FOLR2: variants seen among roughly 807,000 people sequenced by gnomAD.
FOLR2 encodes the protein folate receptor beta, also known as folate receptor 2 (fetal).
In FOLR2, 14 loss-of-function variants were observed where a neutral mutation model predicts 20.4. The ratio of observed to expected loss-of-function variants is 0.68; its 90% CI spans 0.45 to 1.07. FOLR2 has a LOEUF of 1.07. FOLR2 is among the 50% of genes least tolerant of loss of function. The pLI, the probability that FOLR2 is intolerant of heterozygous loss-of-function variation, is 0.00. For missense variants in FOLR2, 269 were observed against 322.6 expected (o/e 0.83, Z 1.27); for synonymous variants, 114 against 114.3 (o/e 1.00, Z 0.02).
rs1440362837 is a variant in FOLR2 at position 72,221,067 on chromosome 11, T to TCGGGGGGGGGCCCCCCCCCC, written c.339+10_339+11insGGGGGGGGGCCCCCCCCCCC. ...GGCCCTGGATCCAGCAGGTAGGGTG[T>TCGGGGGGGGGCCCCCCCCCC]CTCCCCCCCACCCACCCCAGCAGAC... On this transcript the variant is annotated intron_variant, in intron 3 of 4. Transcript: ENST00000298223. 30 of 1,569,600 alleles carry TCGGGGGGGGGCCCCCCCCCC rather than the reference T, an allele frequency of 1.9e-5. No homozygotes were observed. The highest frequency in any genetic ancestry group is 2.4e-5 in the Non-Finnish European group (28 of 1,154,470).
At position 72,220,783 on chromosome 11, in the gene FOLR2, G is replaced by A. The variant is rs916971472; in HGVS notation, c.151-87G>A. 8 of 1,545,008 alleles carry A rather than the reference G, an allele frequency of 5.2e-6. No individual in the cohort carries two copies. In the Admixed American group the frequency reaches 1.1e-4, roughly 21 times the overall value. ...TCAGGACAACCTGCCTAGGGCAGAG[G>A]AGTAAGAACCAAATGGGGGAGAGAC... On this transcript the variant is annotated intron_variant, in intron 2 of 4. Coordinates refer to ENST00000298223, the MANE Select transcript of FOLR2 (RefSeq NM_000803.5).
In FOLR2 at chr11:72,221,771, C is replaced by T. The variant is rs1276860428; in HGVS notation, c.*9C>T. The T allele has an allele frequency of 1.9e-6, 3 of 1,609,480 alleles. No individual in the cohort carries two copies. The East Asian group carries it at 6.7e-5, about 36-fold the overall frequency. ...TCTGGCTCCTTGGCTGAGTTCAGTCCTCCCAGACTACCTGCCCTCAGCTTG... is the reference window on the plus strand; with the variant it reads ...TCTGGCTCCTTGGCTGAGTTCAGTCTTCCCAGACTACCTGCCCTCAGCTTG... On this transcript the variant is annotated 3_prime_UTR_variant, in exon 5 of 5. Coordinates refer to ENST00000298223, the MANE Select transcript of FOLR2 (RefSeq NM_000803.5).
At position 72,221,067 on chromosome 11, in the gene FOLR2, T is replaced by TCGGGGGGGGGGGGCGCCCCCCCCC; in HGVS notation, c.339+10_339+11insGGGGGGGGGGGGCGCCCCCCCCCC. ...GGCCCTGGATCCAGCAGGTAGGGTG[T>TCGGGGGGGGGGGGCGCCCCCCCCC]CTCCCCCCCACCCACCCCAGCAGAC... On this transcript the variant is annotated intron_variant, in intron 3 of 4. Transcript: ENST00000298223. 1 of 1,570,108 alleles carries TCGGGGGGGGGGGGCGCCCCCCCCC rather than the reference T, an allele frequency of 6.4e-7. No individual in the cohort carries two copies. Among genetic ancestry groups the TCGGGGGGGGGGGGCGCCCCCCCCC allele is most frequent in the Non-Finnish European group, 8.7e-7 (1 of 1,154,904 alleles).
intron 1 of FOLR2, 63 bp downstream of exon 1, chr11:72,216,988 GA>G: frequency 6.7e-7 from 1 of 1,500,602 alleles, no homozygotes; most frequent in Middle Eastern, 1.7e-4. Context: ...AGTTTGTGCA[GA>G]GGGGAGGAAC....
chr11:72,219,082 TG>T (rs1397543590), intron 2 of FOLR2, among the ~76,000 whole-genome samples: 1 of 152,200 alleles, frequency 6.6e-6, no homozygotes, highest in African/African-American at 2.4e-5. Flanking sequence ...CAGAAGCACA[TG>T]GGCCCACACA....
In FOLR2 at chr11:72,218,576, C is replaced by T. The variant is rs201535985; in HGVS notation, c.-9C>T. ...CCTACCCTAGCTCCGCCTGCAGGGA[C>T]AGAAAGACATGGTCTGGAAATGGAT... On this transcript the variant is annotated 5_prime_UTR_variant, in exon 2 of 5. An upstream open reading frame in the 5' UTR gains an earlier in-frame stop. Coordinates refer to ENST00000298223, the MANE Select transcript of FOLR2 (RefSeq NM_000803.5). 26 of 1,612,386 alleles carry T rather than the reference C, an allele frequency of 1.6e-5. No individual in the cohort carries two copies. The highest frequency in any genetic ancestry group is 1.7e-4 in the Middle Eastern group (1 of 6,058).
Position 72,220,864 on chromosome 11 carries a change from A to G in FOLR2, c.151-6A>G. The G allele has an allele frequency of 6.2e-7, 1 of 1,613,834 alleles. No individual in the cohort carries two copies. The highest frequency in any genetic ancestry group is 8.5e-7 in the Non-Finnish European group (1 of 1,179,858). ...AGGCACTTAGTCCTGTGTCTTCCCCACCCAGTGCAGTCCCTGGAAGAAGAA... is the reference window on the plus strand; with the variant it reads ...AGGCACTTAGTCCTGTGTCTTCCCCGCCCAGTGCAGTCCCTGGAAGAAGAA... On this transcript the variant is annotated splice_polypyrimidine_tract_variant and splice_region_variant and intron_variant, in intron 2 of 4. Coordinates refer to ENST00000298223, the MANE Select transcript of FOLR2 (RefSeq NM_000803.5).
rs763199091 is a variant in FOLR2 at position 72,216,909 on chromosome 11, C to A, written c.-41C>A. On this transcript the variant is annotated 5_prime_UTR_variant, in exon 1 of 5. Transcript: ENST00000298223. ...CAGACACAGCCGTGTATGCTCCCAG[C>A]AGCAACGGAGGTTCAGGCAAGATGC... The A allele has an allele frequency of 6.3e-7, 1 of 1,599,524 alleles. No individual in the cohort carries two copies. Among genetic ancestry groups the A allele is most frequent in the Non-Finnish European group, 8.5e-7 (1 of 1,179,784 alleles).
At position 72,221,653 on chromosome 11, in the gene FOLR2, C is replaced by T. The variant is rs140546240; in HGVS notation, c.659C>T (p.Ala220Val). The T allele has an allele frequency of 1.0e-4, 169 of 1,614,196 alleles. 1 individual carries two copies. The highest frequency in any genetic ancestry group is 5.0e-4 in the Middle Eastern group (3 of 6,060). ...SAQGNPNEEV[A>V]RFYAAAMHVN... ...CAGGGCAACCCCAACGAGGAAGTGG[C>T]GAGGTTCTATGCTGCAGCCATGCAT... Residue 220 changes from alanine to valine, a missense_variant, in exon 5 of 5, where the codon GCG becomes GTG. Transcript: ENST00000298223.
chr11:72,221,409 C>T, intron 4 of FOLR2, 61 bp from the exon 5 acceptor site: 1 of 1,595,250 alleles, frequency 6.3e-7, no homozygotes, highest in African/African-American at 1.3e-5. Flanking sequence ...CTGGGGGTGG[C>T]CAGAAATGAG....
At position 72,221,464 on chromosome 11, in the gene FOLR2, C is replaced by T. The variant is rs1319518233; in HGVS notation, c.476-6C>T. The T allele has an allele frequency of 8.1e-6, 13 of 1,613,120 alleles. No homozygotes were observed. Among genetic ancestry groups the T allele is most frequent in the Non-Finnish European group, 1.0e-5 (12 of 1,179,326 alleles). On this transcript the variant is annotated splice_region_variant and splice_polypyrimidine_tract_variant and intron_variant, in intron 4 of 4. Transcript: ENST00000298223. ...AAGTCTGTGTCCACCATGCCTCTCCCTGCAGGAGTTAACAAGTGCCCAGCT... is the reference window on the plus strand; with the variant it reads ...AAGTCTGTGTCCACCATGCCTCTCCTTGCAGGAGTTAACAAGTGCCCAGCT...
intron 4 of FOLR2, 36 bp downstream of exon 4, chr11:72,221,347 A>G (rs371915648): frequency 5.0e-6 from 8 of 1,606,826 alleles, no homozygotes; most frequent in Middle Eastern, 1.7e-4. Context: ...GAAAAAGGAG[A>G]TTGAGGTAGG....
intron 4 of FOLR2, 22 bp from the exon 5 acceptor site, chr11:72,221,448 T>A: frequency 6.2e-7 from 1 of 1,608,906 alleles, no homozygotes; most frequent in Non-Finnish European, 8.5e-7. Context: ...AAAGTCTGTG[T>A]CCACCATGCC....
chr11:72,216,957 G>T (rs1373037470), intron 1 of FOLR2, 32 bp downstream of exon 1: 1 of 1,598,350 alleles, frequency 6.3e-7, no homozygotes, highest in Non-Finnish European at 8.5e-7. Flanking sequence ...AGGGTGACAA[G>T]GGCAGTGGGG....
chr11:72,221,827 A>G lies in FOLR2; in HGVS notation c.*65A>G. ...CCAGGCTGGGCTCAGCTCAGCTCCCACAAATGACAGCCCCTTAAGCATGCT... is the reference window on the plus strand; with the variant it reads ...CCAGGCTGGGCTCAGCTCAGCTCCCGCAAATGACAGCCCCTTAAGCATGCT... On this transcript the variant is annotated 3_prime_UTR_variant, in exon 5 of 5. Transcript: ENST00000298223. The G allele has an allele frequency of 6.8e-7, 1 of 1,476,662 alleles. No homozygotes were observed. Among genetic ancestry groups the G allele is most frequent in the Non-Finnish European group, 9.3e-7 (1 of 1,079,882 alleles). The allele number at this position is 1,476,662 out of a possible 1,614,324, so 91.5% of individuals were successfully genotyped here. A position where few individuals can be genotyped will look rare whatever the true frequency, so the allele number is the denominator to read the frequency against.
chr11:72,217,333 T>G (rs1464410834), intron 1 of FOLR2: 14 of 1,280,308 alleles, frequency 1.1e-5, no homozygotes, highest in Non-Finnish European at 1.3e-5. Flanking sequence ...ACATCTTTCT[T>G]TAGAAAGATC....
chr11:72,221,067 T>TCGGGGGGGGGGGGGGCCCCCC lies in FOLR2; in HGVS notation c.339+10_339+11insGGGGGGGGGGGGGGCCCCCCC. On this transcript the variant is annotated intron_variant, in intron 3 of 4. Transcript: ENST00000298223. ...GGCCCTGGATCCAGCAGGTAGGGTG[T>TCGGGGGGGGGGGGGGCCCCCC]CTCCCCCCCACCCACCCCAGCAGAC... 7.0e-6 allele frequency: 11 copies of TCGGGGGGGGGGGGGGCCCCCC among 1,569,958 alleles called. No individual in the cohort carries two copies. The highest frequency in any genetic ancestry group is 9.5e-6 in the Non-Finnish European group (11 of 1,154,766).
chr11:72,221,067 T>TGGGGGGGGGGGGGGGGCCCCCCCCCCCCC lies in FOLR2; in HGVS notation c.339+9_339+10insGGGGGGGGGGGGGGGGCCCCCCCCCCCCC. The TGGGGGGGGGGGGGGGGCCCCCCCCCCCCC allele has an allele frequency of 6.4e-7, 1 of 1,570,118 alleles. No individual in the cohort carries two copies. The highest frequency in any genetic ancestry group is 8.7e-7 in the Non-Finnish European group (1 of 1,154,914). ...GGCCCTGGATCCAGCAGGTAGGGTG[T>TGGGGGGGGGGGGGGGGCCCCCCCCCCCCC]CTCCCCCCCACCCACCCCAGCAGAC... On this transcript the variant is annotated intron_variant, in intron 3 of 4. Transcript: ENST00000298223.
chr11:72,221,791 A>G lies in FOLR2; in HGVS notation c.*29A>G. On this transcript the variant is annotated 3_prime_UTR_variant, in exon 5 of 5. Coordinates refer to ENST00000298223, the MANE Select transcript of FOLR2 (RefSeq NM_000803.5). The stretch of plus-strand genomic sequence containing the variant: ...CAGTCCTCCCAGACTACCTGCCCTC[A>G]GCTTGGATAACCAGGCTGGGCTCAG... 1 of 1,600,024 alleles carries G rather than the reference A, an allele frequency of 6.2e-7. No homozygotes were observed. The highest frequency in any genetic ancestry group is 1.1e-5 in the South Asian group (1 of 89,570).
Sources: gnomAD v4.1 joint callset for allele counts (sites outside exome capture counted in the v4.1 genomes callset) on GRCh38, gnomAD v4.1.1 for gene constraint, MANE v1.5 for transcripts, NCBI Gene and HGNC (gene_info 2026-07-23, HGNC 2026-07-21) for gene names.